SRBD1: variants seen among roughly 807,000 people sequenced by gnomAD.
SRBD1 encodes the protein S1 RNA binding domain 1.
Under a neutral mutation model 115.3 loss-of-function variants are expected in SRBD1, and 88 were observed. The observed-to-expected ratio is 0.76, with a 90% CI of 0.64 to 0.91. SRBD1 has a LOEUF of 0.91. Ranked by LOEUF, SRBD1 falls within the 40% of genes least tolerant of loss-of-function variation. The pLI, the probability that SRBD1 is intolerant of heterozygous loss-of-function variation, is 0.00. For synonymous variants in SRBD1, 509 were observed against 407.7 expected (o/e 1.25, Z -2.99); for missense variants, 1,385 against 1,177.4 (o/e 1.18, Z -2.58).
At chr2:45,436,416 G>T (rs1029630280) in intron 16 of SRBD1, among the ~76,000 whole-genome samples, 5 of 152,182 alleles carry the variant, frequency 3.3e-5, no homozygotes, top group Admixed American at 1.3e-4. Context: ...AATGCAGTAA[G>T]AAAAGAAAAG....
At chr2:45,502,957 T>C (rs755567280) in intron 14 of SRBD1, among the ~76,000 whole-genome samples, 1 of 152,192 alleles carries the variant, frequency 6.6e-6, no homozygotes, top group Non-Finnish European at 1.5e-5. Context: ...AGTGCTGGGA[T>C]GACAGGCATA....
chr2:45,392,773 G>T lies in SRBD1; in HGVS notation c.2698+172C>A, dbSNP rs189788616. On this transcript the variant is annotated intron_variant, in intron 20 of 20. Transcript: ENST00000263736. The stretch of plus-strand genomic sequence containing the variant: ...CCACCTGGCTTCTAGCTTTGGCTCT[G>T]GATATTAATTATAATGACTTTGAAG... Among the ~76,000 whole-genome samples the T allele has an allele frequency of 3.3e-5, 5 of 152,252 alleles. No homozygotes were observed. The East Asian group carries it at 7.7e-4, about 23-fold the overall frequency.
At chr2:45,519,585 C>G (rs1347574016) in intron 14 of SRBD1, among the ~76,000 whole-genome samples, 1 of 152,162 alleles carries the variant, frequency 6.6e-6, no homozygotes, top group Non-Finnish European at 1.5e-5. Context: ...AACATTCTTA[C>G]ATTATATTCT....
chr2:45,422,085 A>G (rs1668024317), intron 16 of SRBD1, among the ~76,000 whole-genome samples: 1 of 152,186 alleles, frequency 6.6e-6, no homozygotes. Context: ...GCACAATGAT[A>G]GCAACAAGAA....
At chr2:45,487,016 C>T (rs1454745487) in intron 15 of SRBD1, among the ~76,000 whole-genome samples, 1 of 151,994 alleles carries the variant, frequency 6.6e-6, no homozygotes, top group Non-Finnish European at 1.5e-5. Context: ...GAAGCAGCTT[C>T]CCAGGAGAAG....
chr2:45,455,009 A>T (rs1462955271), intron 16 of SRBD1, among the ~76,000 whole-genome samples: 8 of 151,734 alleles, frequency 5.3e-5, no homozygotes, highest in African/African-American at 1.9e-4. Context: ...CAAATTTAGC[A>T]TCTCTTTTCT....
At chr2:45,548,117 AT>A (rs1558470280) in intron 12 of SRBD1, among the ~76,000 whole-genome samples, 1 of 151,440 alleles carries the variant, frequency 6.6e-6, no homozygotes, top group Non-Finnish European at 1.5e-5. Context: ...GATTAAAAGT[AT>A]TTTTTAAAAT....
At chr2:45,475,574 G>T (rs1669780500) in intron 16 of SRBD1, among the ~76,000 whole-genome samples, 1 of 152,178 alleles carries the variant, frequency 6.6e-6, no homozygotes, top group African/African-American at 2.4e-5. Flanking sequence ...TTATTAGCCT[G>T]CCCAGGTTTC....
intron 15 of SRBD1, among the ~76,000 whole-genome samples, chr2:45,482,112 G>A (rs893890475): frequency 6.6e-6 from 1 of 152,078 alleles, no homozygotes; most frequent in Non-Finnish European, 1.5e-5. Flanking sequence ...TTTATGTTAT[G>A]TAAATTATAT....
chr2:45,579,149 T>C (rs1441166111), intron 7 of SRBD1, among the ~76,000 whole-genome samples: 1 of 152,254 alleles, frequency 6.6e-6, no homozygotes, highest in Admixed American at 6.5e-5. Flanking sequence ...CCAATGCATC[T>C]TGACATTTAT....
chr2:45,580,433 C>T (rs1442887787), intron 6 of SRBD1, among the ~76,000 whole-genome samples: 3 of 150,458 alleles, frequency 2.0e-5, no homozygotes, highest in African/African-American at 7.3e-5. Flanking sequence ...GCAAGCTCTG[C>T]CTCCCAGGTT....
intron 19 of SRBD1, among the ~76,000 whole-genome samples, chr2:45,403,816 G>T (rs1667353939): frequency 6.6e-6 from 1 of 152,000 alleles, no homozygotes; most frequent in South Asian, 2.1e-4. Flanking sequence ...TATTTTTCTT[G>T]CTTTTATCCC....
At chr2:45,439,551 G>A (rs1383542841) in intron 16 of SRBD1, among the ~76,000 whole-genome samples, 1 of 151,486 alleles carries the variant, frequency 6.6e-6, no homozygotes, top group Non-Finnish European at 1.5e-5. Flanking sequence ...AAAGTCAACA[G>A]AATTAAAATG....
intron 14 of SRBD1, among the ~76,000 whole-genome samples, chr2:45,537,958 T>A (rs1671816567): frequency 6.6e-6 from 1 of 152,180 alleles, no homozygotes; most frequent in South Asian, 2.1e-4. Flanking sequence ...ACAGCTGTGC[T>A]AAGGATAAGC....
At chr2:45,451,996 G>C (rs1452289676) in intron 16 of SRBD1, among the ~76,000 whole-genome samples, 2 of 151,700 alleles carry the variant, frequency 1.3e-5, no homozygotes, top group African/African-American at 4.8e-5. Flanking sequence ...ATTTTTATTT[G>C]CTTGAAGACT....
At chr2:45,500,279 CTGTG>C (rs139961270) in intron 14 of SRBD1, among the ~76,000 whole-genome samples, 3,290 of 143,422 alleles carry the variant, frequency 0.023, 122 homozygotes, top group African/African-American at 0.079. Flanking sequence ...GTGCATGTCT[CTGTG>C]TGTGTGTGTG....
At chr2:45,570,656 G>A (rs1052222827) in intron 9 of SRBD1, among the ~76,000 whole-genome samples, 2 of 152,202 alleles carry the variant, frequency 1.3e-5, no homozygotes, top group African/African-American at 4.8e-5. Context: ...GAAAGAAGTT[G>A]CAGAATTTCT....
At chr2:45,585,903 A>C (rs1673506148) in intron 4 of SRBD1, 129 bp from the exon 5 acceptor site, 1 of 703,620 alleles carries the variant, frequency 1.4e-6, no homozygotes, top group Non-Finnish European at 2.2e-6. Flanking sequence ...GTTTTTTAAA[A>C]AAAAGAAAGC....
chr2:45,564,894 A>T (rs982016417), intron 9 of SRBD1, among the ~76,000 whole-genome samples: 5 of 152,232 alleles, frequency 3.3e-5, no homozygotes, highest in South Asian at 2.1e-4. Flanking sequence ...ATTTGGGTAT[A>T]TGCAGGGATC....
Sources: allele counts gnomAD v4.1 joint callset (sites outside exome capture counted in the v4.1 genomes callset), GRCh38; gene constraint gnomAD v4.1.1; transcripts MANE v1.5; gene names NCBI Gene and HGNC (gene_info 2026-07-23, HGNC 2026-07-21).